Variants in LRRC31 observed in about 807,000 individuals in gnomAD.
LRRC31 encodes the protein leucine-rich repeat-containing protein 31.
In LRRC31, 35 loss-of-function variants were observed where a neutral mutation model predicts 46.7. The ratio of observed to expected loss-of-function variants is 0.75; its 90% CI spans 0.57 to 0.99. The LOEUF (loss-of-function observed/expected upper bound fraction) is 0.99, where lower values mean the gene tolerates loss of function less well. Among genes scored for constraint, LRRC31 ranks in the 50% least tolerant of loss-of-function variants. LRRC31 has a pLI of 0.00. For synonymous variants in LRRC31, 236 were observed against 235.1 expected (o/e 1.00, Z -0.03); for missense variants, 613 against 626.1 (o/e 0.98, Z 0.22).
intron 5 of LRRC31, 87 bp from the exon 6 acceptor site, chr3:169,855,067 G>A: frequency 8.6e-7 from 1 of 1,162,800 alleles, no homozygotes; most frequent in Non-Finnish European, 1.2e-6. Context: ...AAGGCAGGAG[G>A]ATTGCTTGAG....
intron 8 of LRRC31, among the ~76,000 whole-genome samples, chr3:169,847,064 G>A (rs1780624798): frequency 6.6e-6 from 1 of 152,168 alleles, no homozygotes; most frequent in African/African-American, 2.4e-5. Context: ...TCATTGCTTT[G>A]GAATTCCGGC....
chr3:169,846,193 A>G (rs1780599246), intron 8 of LRRC31, among the ~76,000 whole-genome samples: 1 of 152,246 alleles, frequency 6.6e-6, no homozygotes, highest in Non-Finnish European at 1.5e-5. Context: ...CATTTTTGCT[A>G]TAACACTTGT....
At chr3:169,844,560 C>G (rs941222807) in intron 8 of LRRC31, among the ~76,000 whole-genome samples, 2 of 152,122 alleles carry the variant, frequency 1.3e-5, no homozygotes, top group East Asian at 1.9e-4. Context: ...ATGCTCTCAT[C>G]TCATTCAACA....
At chr3:169,865,555 A>G (rs1003351097) in intron 1 of LRRC31, among the ~76,000 whole-genome samples, 2 of 152,212 alleles carry the variant, frequency 1.3e-5, no homozygotes, top group African/African-American at 4.8e-5. Flanking sequence ...ATTATTACAC[A>G]TTGGTAACAT....
intron 7 of LRRC31, among the ~76,000 whole-genome samples, chr3:169,850,439 C>G: frequency 6.6e-6 from 1 of 152,146 alleles, no homozygotes; most frequent in Non-Finnish European, 1.5e-5. Flanking sequence ...GCCTTCAGCC[C>G]TGCTGTTCTA....
At chr3:169,866,338 G>C (rs958108966) in intron 1 of LRRC31, among the ~76,000 whole-genome samples, 1 of 152,198 alleles carries the variant, frequency 6.6e-6, no homozygotes, top group East Asian at 1.9e-4. Context: ...AGGAGCCATA[G>C]AATTTTGGGA....
chr3:169,865,073 CT>C (rs1293711480), intron 1 of LRRC31, among the ~76,000 whole-genome samples: 1 of 148,632 alleles, frequency 6.7e-6, no homozygotes, highest in African/African-American at 2.5e-5. Flanking sequence ...AAGACTCCAT[CT>C]CAAAAAAAAA....
chr3:169,863,815 T>C (rs887719298), intron 1 of LRRC31, among the ~76,000 whole-genome samples: 3 of 152,192 alleles, frequency 2.0e-5, no homozygotes, highest in African/African-American at 7.2e-5. Flanking sequence ...ACCCTAATTT[T>C]GGGTGGGGCA....
rs1468967267 is a variant in LRRC31 at position 169,869,738 on chromosome 3, A to C, written c.70T>G (p.Phe24Val). 1 of 1,613,290 alleles carries C rather than the reference A, an allele frequency of 6.2e-7. No individual in the cohort carries two copies. Among genetic ancestry groups the C allele is most frequent in the East Asian group, 2.2e-5 (1 of 44,864 alleles). ...TKPQTSTVNK[F>V]LRGSNAESRK... is the part of the protein sequence containing the mutation. ...CTTTCAGCATTGGAGCCCCTGAGAA[A>C]TTTGTTGACAGTTGAAGTCTGGGGC... Residue 24 changes from phenylalanine (F) to valine (V), a missense_variant, in exon 1 of 9, where the codon TTT becomes GTT. By Grantham distance (50) the Phe-to-Val change is conservative. Transcript: ENST00000316428.
chr3:169,859,389 A>G (rs1364257761), intron 3 of LRRC31, among the ~76,000 whole-genome samples: 2 of 151,972 alleles, frequency 1.3e-5, no homozygotes, highest in East Asian at 3.9e-4. Flanking sequence ...CAGCTACAGG[A>G]GGCATGGGCC....
chr3:169,852,412 A>C lies in LRRC31; in HGVS notation c.992-626T>G, dbSNP rs1432834180. 4.8e-3 allele frequency among the ~76,000 whole-genome samples: 732 copies of C among 151,110 alleles called. 15 individuals are homozygous for C. Among genetic ancestry groups the C allele is most frequent in the African/African-American group, 0.015 (601 of 41,116 alleles). On this transcript the variant is annotated intron_variant, in intron 6 of 8. Transcript: ENST00000316428. ...AGTGAGACTCCGTCTCAAAAAAAAA[A>C]AAAAAAAAAAAAAAAAAAACTCTTA...
Position 169,844,866 on chromosome 3 carries a change from A to G in LRRC31, c.1327+3254T>C, listed in dbSNP as rs1049489007. On this transcript the variant is annotated intron_variant, in intron 8 of 8. Transcript: ENST00000316428. The stretch of plus-strand genomic sequence containing the variant: ...AGAATCGCTTGAACCCAGGAGTCGG[A>G]AGTTGTGGTGAGCCGAGATCATGCC... Among the ~76,000 whole-genome samples, 6 of 151,180 alleles carry G rather than the reference A, an allele frequency of 4.0e-5. No individual in the cohort carries two copies. In the East Asian group the frequency reaches 1.2e-3, roughly 29 times the overall value.
intron 7 of LRRC31, among the ~76,000 whole-genome samples, chr3:169,851,249 C>G (rs1050680603): frequency 6.6e-6 from 1 of 152,036 alleles, no homozygotes; most frequent in Non-Finnish European, 1.5e-5. Flanking sequence ...CCTGTCTCTA[C>G]TAAAAATACA....
At chr3:169,864,554 C>T (rs1449444764) in intron 1 of LRRC31, among the ~76,000 whole-genome samples, 1 of 152,214 alleles carries the variant, frequency 6.6e-6, no homozygotes, top group Non-Finnish European at 1.5e-5. Flanking sequence ...TTACTGGAAC[C>T]TCCTATGCAC....
At chr3:169,858,282 C>T (rs1781033814) in intron 3 of LRRC31, among the ~76,000 whole-genome samples, 1 of 152,168 alleles carries the variant, frequency 6.6e-6, no homozygotes, top group East Asian at 1.9e-4. Context: ...AACAACAGTG[C>T]AGACTCCCTC....
intron 1 of LRRC31, among the ~76,000 whole-genome samples, chr3:169,862,758 T>TA (rs1018852092): frequency 3.3e-5 from 5 of 151,268 alleles, no homozygotes; most frequent in African/African-American, 4.9e-5. Context: ...AAACTGCATC[T>TA]AAAAAAAATA....
chr3:169,846,420 C>T (rs377391679), intron 8 of LRRC31, among the ~76,000 whole-genome samples: 7 of 152,132 alleles, frequency 4.6e-5, no homozygotes, highest in African/African-American at 1.4e-4. Context: ...GAAGCCTAGG[C>T]GGGTGGATCA....
At chr3:169,841,267 T>C (rs539074139) in intron 8 of LRRC31, among the ~76,000 whole-genome samples, 1 of 152,192 alleles carries the variant, frequency 6.6e-6, no homozygotes, top group Non-Finnish European at 1.5e-5. Flanking sequence ...AACATTCAGC[T>C]CCTTCTTCCT....
At chr3:169,853,321 A>G in intron 6 of LRRC31, 1 of 985,152 alleles carries the variant, frequency 1.0e-6, no homozygotes, top group Non-Finnish European at 1.2e-6. Context: ...ACAAAGCAGG[A>G]TGTATTTTCA....
Sources: gnomAD v4.1 joint callset for allele counts (sites outside exome capture counted in the v4.1 genomes callset) on GRCh38, gnomAD v4.1.1 for gene constraint, MANE v1.5 for transcripts, NCBI Gene and HGNC (gene_info 2026-07-23, HGNC 2026-07-21) for gene names.